DMD: variants seen among roughly 807,000 people sequenced by gnomAD.
DMD encodes mutant dystrophin.
A neutral mutation model predicts 330.1 loss-of-function variants in DMD; 63 were observed. The observed-to-expected ratio is 0.19, with a 90% confidence interval of 0.16 to 0.24. DMD has a LOEUF of 0.24. DMD is among the 10% of genes least tolerant of loss of function. The probability of loss-of-function intolerance (pLI) is 1.00; values close to 1 mark genes in which losing one functional copy is unlikely to be tolerated. For synonymous variants in DMD, 1,223 were observed against 959.8 expected (o/e 1.27, Z -5.07); for missense variants, 3,344 against 2,684.1 (o/e 1.25, Z -5.43).
At chrX:31,193,786 T>C (rs1017486353) in intron 67 of DMD, among the ~76,000 whole-genome samples, 1 of 111,134 alleles carries the variant, frequency 9.0e-6, no homozygotes, top group Non-Finnish European at 1.9e-5. Context: ...CTTATCGTCT[T>C]TTGGCCAAAA....
At chrX:33,124,804 C>T (rs776407533) in intron 1 of DMD, among the ~76,000 whole-genome samples, 3 of 109,491 alleles carry the variant, frequency 2.7e-5, no homozygotes, top group African/African-American at 9.9e-5. Context: ...GCAGGTGGCT[C>T]ACCTGAGGTC....
rs1216000063 is a variant in DMD, at chrX:32,312,897, G to A, written c.5923-2621C>T. ...CAGGAAGAAGTTGAATCCCTGAATA[G>A]ACCAATAACAAGTTCTGAAATTGAG... On this transcript the variant is annotated intron_variant, in intron 41 of 78. Transcript: ENST00000357033. Among the ~76,000 whole-genome samples the A allele has an allele frequency of 5.1e-5, 4 of 77,806 alleles. No homozygotes were observed. The Admixed American group carries it at 5.2e-4, about 10-fold the overall frequency. 67.6% of individuals were successfully genotyped at this position (77,806 alleles called of 115,157 possible). A position where few individuals can be genotyped will look rare whatever the true frequency, so the allele number is the denominator to read the frequency against.
chrX:32,690,391 G>A (rs1185745328), intron 9 of DMD, among the ~76,000 whole-genome samples: 1 of 111,225 alleles, frequency 9.0e-6, no homozygotes, highest in Non-Finnish European at 1.9e-5. Context: ...TACATTCATG[G>A]ATCGAAGGAC....
intron 38 of DMD, among the ~76,000 whole-genome samples, chrX:32,346,919 T>C (rs1350549097): frequency 1.8e-5 from 2 of 112,034 alleles, no homozygotes; most frequent in Non-Finnish European, 3.8e-5. Flanking sequence ...GTGAAAACTT[T>C]GTATCAAGTA....
chrX:33,009,466 AT>A (rs2093559381), intron 2 of DMD, among the ~76,000 whole-genome samples: 2 of 42,785 alleles, frequency 4.7e-5, no homozygotes, highest in African/African-American at 2.2e-4. Context: ...GTATACACAT[AT>A]GTGTGTATGT....
intron 1 of DMD, among the ~76,000 whole-genome samples, chrX:33,255,169 G>A (rs1055338486): frequency 1.7e-4 from 19 of 110,654 alleles, no homozygotes; most frequent in Non-Finnish European, 5.7e-5. Context: ...TTAAGACATT[G>A]AGCAAATGTC....
At chrX:32,113,661 T>G (rs2096598167) in intron 44 of DMD, among the ~76,000 whole-genome samples, 1 of 111,563 alleles carries the variant, frequency 9.0e-6, no homozygotes, top group East Asian at 2.8e-4. Flanking sequence ...TTTGAGAGCA[T>G]TGGCTGTTCT....
chrX:31,470,662 C>T (rs764063962), intron 59 of DMD, among the ~76,000 whole-genome samples: 4 of 112,286 alleles, frequency 3.6e-5, no homozygotes, highest in African/African-American at 1.3e-4. Flanking sequence ...TGTCCCTTAG[C>T]AGAGCTCGAG....
chrX:31,563,924 T>C (rs936331960), intron 55 of DMD, among the ~76,000 whole-genome samples: 5 of 111,607 alleles, frequency 4.5e-5, no homozygotes, highest in African/African-American at 6.5e-5. Flanking sequence ...TATTTGGAGA[T>C]AGGGTCATTA....
At chrX:31,596,036 T>C (rs1175761553) in intron 55 of DMD, among the ~76,000 whole-genome samples, 2 of 111,779 alleles carry the variant, frequency 1.8e-5, no homozygotes, top group Non-Finnish European at 3.8e-5. Context: ...ACAGATATTC[T>C]TAAAGTTTCA....
At chrX:33,136,386 A>AAT (rs1230772730) in intron 1 of DMD, among the ~76,000 whole-genome samples, 1 of 103,336 alleles carries the variant, frequency 9.7e-6, no homozygotes, top group African/African-American at 3.6e-5. Context: ...TTAATGGAAC[A>AAT]ATGCTGGGAT....
intron 1 of DMD, among the ~76,000 whole-genome samples, chrX:33,318,745 C>T (rs2053971745): frequency 9.1e-6 from 1 of 110,445 alleles, no homozygotes; most frequent in Non-Finnish European, 1.9e-5. Flanking sequence ...CCTTGCCTGG[C>T]CTACTTCCTC....
chrX:33,307,152 G>T (rs1402377193), intron 1 of DMD, among the ~76,000 whole-genome samples: 1 of 111,147 alleles, frequency 9.0e-6, no homozygotes, highest in Non-Finnish European at 1.9e-5. Context: ...CATGATCATT[G>T]CAACTCGAGA....
In DMD at chrX:32,844,800, C is replaced by A. The variant is rs1358774744; in HGVS notation, c.247G>T (p.Val83Phe). The change falls in exon 4 of 79, where the codon GTT (valine) becomes TTT (phenylalanine). Residue 83 changes from valine to phenylalanine, a missense_variant. Physicochemically the swap from Val to Phe is conservative, Grantham distance 50. Transcript: ENST00000357033. ...CTACTTACATTATTGTTCTGCAAAA[C>A]CCGCAGTGCCTTGTTGACATTGTTC... Reference protein sequence around the residue: ...ALNNVNKALRVLQNNNVDLVN... With the variant: ...ALNNVNKALRFLQNNNVDLVN... 2 of 1,209,258 alleles carry A rather than the reference C, an allele frequency of 1.7e-6. No individual in the cohort carries two copies. The highest frequency in any genetic ancestry group is 2.2e-6 in the Non-Finnish European group (2 of 894,444).
intron 53 of DMD, among the ~76,000 whole-genome samples, chrX:31,674,947 T>C (rs1225350145): frequency 3.6e-5 from 4 of 112,561 alleles, no homozygotes; most frequent in African/African-American, 6.5e-5. Context: ...GATTCTGTCA[T>C]AGCCTATTGG....
chrX:32,770,517 G>GT (rs1165129902), intron 7 of DMD, among the ~76,000 whole-genome samples: 1 of 111,265 alleles, frequency 9.0e-6, no homozygotes, highest in African/African-American at 3.3e-5. Context: ...ATTAATTTTA[G>GT]TTTTTCTAAC....
intron 9 of DMD, among the ~76,000 whole-genome samples, chrX:32,668,150 G>GA (rs747294030): frequency 0.01 from 1,042 of 102,027 alleles, 2 homozygotes; most frequent in East Asian, 0.017. Context: ...TCCATCTCGG[G>GA]AAAAAAAAAA....
intron 55 of DMD, among the ~76,000 whole-genome samples, chrX:31,580,208 C>T (rs2076278717): frequency 8.9e-6 from 1 of 112,191 alleles, no homozygotes; most frequent in South Asian, 3.7e-4. Flanking sequence ...GGATTAACAT[C>T]TTCGAGGGGC....
Position 32,644,134 on chromosome X carries a change from G to C in DMD, c.1329C>G (p.Ser443Arg). ...ATTAAAAACAAATAAGGACTTACTT[G>C]CTTTGTTTTTCCATGCTAGCTACCC... is the stretch of plus-strand genomic sequence containing the variant. ...CLRVASMEKQSNLHRVLMDLQ... is the reference protein window; with the variant it reads ...CLRVASMEKQRNLHRVLMDLQ... Residue 443 changes from serine to arginine, a missense_variant and splice_region_variant, in exon 11 of 79, where the codon AGC (serine) becomes AGG (arginine). Ser to Arg is a moderately radical substitution (Grantham distance 110). Coordinates refer to ENST00000357033, the MANE Select transcript of DMD (RefSeq NM_004006.3). The C allele has an allele frequency of 1.7e-6, 2 of 1,202,548 alleles. No individual in the cohort carries two copies. The highest frequency in any genetic ancestry group is 2.3e-6 in the Non-Finnish European group (2 of 888,844).
Sources: allele counts gnomAD v4.1 joint callset (sites outside exome capture counted in the v4.1 genomes callset), GRCh38; gene constraint gnomAD v4.1.1; transcripts MANE v1.5; gene names NCBI Gene and HGNC (gene_info 2026-07-23, HGNC 2026-07-21).